The following AGAP1 variants were observed in gnomAD, a reference collection of about 807,000 sequenced individuals.
AGAP1 encodes arf-GAP with GTPase, ANK repeat and PH domain-containing protein 1.
In AGAP1, 29 loss-of-function variants were observed where a neutral mutation model predicts 105.3. The observed-to-expected ratio is 0.28, with a 90% confidence interval of 0.21 to 0.38. The LOEUF is 0.38. AGAP1 is among the 10% of genes least tolerant of loss of function. The pLI, the probability that AGAP1 is intolerant of heterozygous loss-of-function variation, is 1.00. For synonymous variants in AGAP1, 509 were observed against 485.9 expected (o/e 1.05, Z -0.63); for missense variants, 998 against 1,165.1 (o/e 0.86, Z 2.09).
chr2:236,017,723 T>A (rs936720461), intron 13 of AGAP1, among the ~76,000 whole-genome samples: 19 of 152,240 alleles, frequency 1.2e-4, no homozygotes, highest in Non-Finnish European at 2.8e-4. Context: ...GGTTTGAGTC[T>A]AAGGATCTCT....
chr2:235,535,541 CCT>C lies in AGAP1; in HGVS notation c.163+40699_163+40700del, dbSNP rs1943184648. ...GAAATCCGTGTCCTCTTTATCCTCCCCTCTCTCTGTTCTGCGCGGCAGGTAGC... is the reference window on the plus strand; with the variant it reads ...GAAATCCGTGTCCTCTTTATCCTCCCCTCTCTGTTCTGCGCGGCAGGTAGC... On this transcript the variant is annotated intron_variant, in intron 1 of 17. Transcript: ENST00000304032. This position sits in a 1 kb window ranked among gnomAD's most constrained non-coding sequence, Gnocchi z 5.1. Among the ~76,000 whole-genome samples the C allele has an allele frequency of 6.6e-6, 1 of 151,900 alleles. No homozygotes were observed.
rs905424955 is a variant in AGAP1 at position 236,090,643 on chromosome 2, A to C, written c.2115-29549A>C. 6.6e-6 allele frequency among the ~76,000 whole-genome samples: 1 copy of C among 152,198 alleles called. No homozygotes were observed. The highest frequency in any genetic ancestry group is 2.4e-5 in the African/African-American group (1 of 41,450). On this transcript the variant is annotated intron_variant, in intron 16 of 17. Transcript: ENST00000304032. The surrounding 1 kb of genome is among the most constrained non-coding windows in gnomAD (Gnocchi z 4.3). Reference sequence around the variant, plus strand: ...TCACTTTTGGATATTGAAAGCTAGCAGGGAGGGGGTCTTCCTGGTTATACG... The same window carrying C: ...TCACTTTTGGATATTGAAAGCTAGCCGGGAGGGGGTCTTCCTGGTTATACG...
intron 1 of AGAP1, among the ~76,000 whole-genome samples, chr2:235,501,141 A>G (rs1193507276): frequency 1.3e-5 from 2 of 152,114 alleles, no homozygotes; most frequent in African/African-American, 2.4e-5. Context: ...TGCACCTGCC[A>G]TGTGGGGCCA....
chr2:235,502,495 C>T (rs969937537), intron 1 of AGAP1, among the ~76,000 whole-genome samples: 30 of 152,228 alleles, frequency 2.0e-4, no homozygotes, highest in African/African-American at 7.0e-4. Flanking sequence ...CCTGAGCTCT[C>T]TGGGAACAGA....
chr2:235,613,181 A>G (rs748861660), intron 1 of AGAP1, among the ~76,000 whole-genome samples: 2 of 152,012 alleles, frequency 1.3e-5, no homozygotes, highest in Non-Finnish European at 2.9e-5. Context: ...TTTTTAGTAG[A>G]GACTGGATTT....
At chr2:236,026,431 A>G (rs552949526) in intron 13 of AGAP1, among the ~76,000 whole-genome samples, 1 of 152,318 alleles carries the variant, frequency 6.6e-6, no homozygotes, top group East Asian at 1.9e-4. Flanking sequence ...GACATCAGTT[A>G]GAAAGAAGTA....
intron 13 of AGAP1, among the ~76,000 whole-genome samples, chr2:236,011,172 G>A (rs556055647): frequency 1.3e-5 from 2 of 152,346 alleles, no homozygotes; most frequent in South Asian, 4.1e-4. Flanking sequence ...CCCGCATGTA[G>A]CACCCTTGTG....
In AGAP1 at chr2:236,042,191, GA is replaced by G. The variant is rs2057569558; in HGVS notation, c.1891+1351del. Among the ~76,000 whole-genome samples the G allele has an allele frequency of 2.0e-5, 3 of 152,188 alleles. No individual in the cohort carries two copies. The South Asian group carries it at 6.2e-4, about 32-fold the overall frequency. On this transcript the variant is annotated intron_variant, in intron 15 of 17. Transcript: ENST00000304032. This position sits in a 1 kb window ranked among gnomAD's most constrained non-coding sequence, Gnocchi z 5.6. ...CATACTGGAATAGAGGCAAAGCAGG[GA>G]GGAGGCCAGCCAGGGTCGGCTTGGC...
chr2:235,508,503 T>G (rs1941932937), intron 1 of AGAP1, among the ~76,000 whole-genome samples: 1 of 152,212 alleles, frequency 6.6e-6, no homozygotes, highest in African/African-American at 2.4e-5. Context: ...AAATAACAGC[T>G]GTTGGTTCAC....
intron 1 of AGAP1, among the ~76,000 whole-genome samples, chr2:235,525,284 G>A (rs1358819300): frequency 6.6e-6 from 1 of 151,888 alleles, no homozygotes; most frequent in African/African-American, 2.4e-5. Context: ...GATACATAAT[G>A]TGGAGGACTG....
intron 1 of AGAP1, among the ~76,000 whole-genome samples, chr2:235,668,901 C>G (rs1358519957): frequency 6.6e-6 from 1 of 152,144 alleles, no homozygotes; most frequent in Non-Finnish European, 1.5e-5. Flanking sequence ...GTGAATAAGC[C>G]TGGCTTGCGG....
At chr2:235,606,082 T>C (rs1386198285) in intron 1 of AGAP1, among the ~76,000 whole-genome samples, 1 of 152,234 alleles carries the variant, frequency 6.6e-6, no homozygotes, top group African/African-American at 2.4e-5. Context: ...GAAGAAGAGT[T>C]CTTGTAAACA....
Position 236,092,708 on chromosome 2 carries a change from C to T in AGAP1, c.2115-27484C>T, listed in dbSNP as rs1253771347. Among the ~76,000 whole-genome samples, 1 of 152,186 alleles carries T rather than the reference C, an allele frequency of 6.6e-6. No homozygotes were observed. Among genetic ancestry groups the T allele is most frequent in the African/African-American group, 2.4e-5 (1 of 41,454 alleles). ...CGCCCGGCCGTATTATTTCTTTAAA[C>T]TCCATGTGAATACACAATTATTTCA... On this transcript the variant is annotated intron_variant, in intron 16 of 17. Transcript: ENST00000304032. The surrounding 1 kb of genome is among the most constrained non-coding windows in gnomAD (Gnocchi z 4.7).
At chr2:235,937,506 G>A (rs950574860) in intron 12 of AGAP1, among the ~76,000 whole-genome samples, 2 of 152,176 alleles carry the variant, frequency 1.3e-5, no homozygotes, top group South Asian at 2.1e-4. Flanking sequence ...GATCAAAACC[G>A]AACAGGGGCA....
Position 236,040,979 on chromosome 2 carries a change from T to G in AGAP1, c.1891+138T>G. Reference sequence around the variant, plus strand: ...TAACTGCTTTTAGGAAATTGAGATATTTTGTTTGGATTTTACCTTAACAGA... The same window carrying G: ...TAACTGCTTTTAGGAAATTGAGATAGTTTGTTTGGATTTTACCTTAACAGA... On this transcript the variant is annotated intron_variant, in intron 15 of 17. Transcript: ENST00000304032. The surrounding 1 kb of genome is among the most constrained non-coding windows in gnomAD (Gnocchi z 5.6). 3.7e-6 allele frequency: 3 copies of G among 804,690 alleles called. No homozygotes were observed. Among genetic ancestry groups the G allele is most frequent in the Non-Finnish European group, 5.9e-6 (3 of 505,550 alleles). The allele number at this position is 804,690 out of a possible 1,614,324, so 49.8% of individuals were successfully genotyped here. A position where few individuals can be genotyped will look rare whatever the true frequency, so the allele number is the denominator to read the frequency against.
rs112761133 is a variant in AGAP1 at position 235,516,055 on chromosome 2, TCTGCTGCTGCTGCTG to T, written c.163+21231_163+21245del. Among the ~76,000 whole-genome samples, 239 of 138,672 alleles carry T rather than the reference TCTGCTGCTGCTGCTG, an allele frequency of 1.7e-3. 3 individuals are homozygous for T. The highest frequency in any genetic ancestry group is 1.2e-3 in the South Asian group (5 of 4,100). The allele number at this position is 138,672 out of a possible 152,430, so 91.0% of individuals were successfully genotyped here. A position where few individuals can be genotyped will look rare whatever the true frequency, so the allele number is the denominator to read the frequency against. On this transcript the variant is annotated intron_variant, in intron 1 of 17. Transcript: ENST00000304032. ...CTCCTGTTCCTGCCGCATGGGCTCC[TCTGCTGCTGCTGCTG>T]CTGCTGCTGCTGCTGCTGCTGCTGG...
rs1313586334 is a variant in AGAP1, at chr2:236,101,915, A to G, written c.2115-18277A>G. On this transcript the variant is annotated intron_variant, in intron 16 of 17. Coordinates refer to ENST00000304032, the MANE Select transcript of AGAP1 (RefSeq NM_001037131.3). The surrounding 1 kb of genome is among the most constrained non-coding windows in gnomAD (Gnocchi z 4.9). ...AACTTCCATTCTGTGTGTGACTAGC[A>G]TGGCTTAGCTATGTTTCTGTGCAAA... Among the ~76,000 whole-genome samples, 2 of 152,220 alleles carry G rather than the reference A, an allele frequency of 1.3e-5. No homozygotes were observed. Among genetic ancestry groups the G allele is most frequent in the African/African-American group, 2.4e-5 (1 of 41,458 alleles).
chr2:235,884,697 G>T (rs183646856), intron 10 of AGAP1, among the ~76,000 whole-genome samples: 52 of 151,998 alleles, frequency 3.4e-4, no homozygotes, highest in Non-Finnish European at 6.2e-4. Flanking sequence ...CAAGAAATCC[G>T]CCTGCCTCGG....
rs992224930 is a variant in AGAP1, at chr2:235,739,109, T to C, written c.311-1854T>C. Among the ~76,000 whole-genome samples the C allele has an allele frequency of 6.6e-6, 1 of 152,176 alleles. No individual in the cohort carries two copies. ...GTTCAGGGTGCTTTGTGTCAACTTA[T>C]TACTCCTCGCCTGCTAGGACATCAT... On this transcript the variant is annotated intron_variant, in intron 3 of 17. Coordinates refer to ENST00000304032, the MANE Select transcript of AGAP1 (RefSeq NM_001037131.3). The surrounding 1 kb of genome is among the most constrained non-coding windows in gnomAD (Gnocchi z 5.3).
Sources: gnomAD v4.1 joint callset for allele counts (sites outside exome capture counted in the v4.1 genomes callset) on GRCh38, gnomAD v4.1.1 for gene constraint, Gnocchi (gnomAD v3.1) non-coding constraint, MANE v1.5 for transcripts, NCBI Gene and HGNC (gene_info 2026-07-23, HGNC 2026-07-21) for gene names.